NHSL2: variants seen among roughly 807,000 people sequenced by gnomAD.
The protein encoded by NHSL2 is NHS-like protein 2.
Under a neutral mutation model 53.4 loss-of-function variants are expected in NHSL2, and 27 were observed. That is an observed-to-expected ratio of 0.51 (90% CI 0.37 to 0.70). The LOEUF is 0.70. Among genes scored for constraint, NHSL2 ranks in the 30% least tolerant of loss-of-function variants. The probability of loss-of-function intolerance (pLI) is 0.00; values close to 1 mark genes in which losing one functional copy is unlikely to be tolerated. For missense variants in NHSL2, 892 were observed against 980.1 expected, an observed-to-expected ratio of 0.91 and a Z score of 1.20; for synonymous variants, 408 against 404.1, an observed-to-expected ratio of 1.01 and a Z score of -0.12.
intron 1 of NHSL2, among the ~76,000 whole-genome samples, chrX:72,054,959 C>G (rs1206777100): frequency 1.8e-5 from 2 of 111,699 alleles, no homozygotes; most frequent in African/African-American, 6.5e-5. Context: ...CCCCGTCACT[C>G]TTTCAGCCCC....
chrX:72,130,604 C>T (rs1602393029), intron 1 of NHSL2: 4 of 1,211,567 alleles, frequency 3.3e-6, no homozygotes, highest in Non-Finnish European at 4.5e-6. Context: ...GGCTTGGGAA[C>T]GCGCACTTTT....
In NHSL2 at chrX:72,025,570, T is replaced by A. The variant is rs2042181494; in HGVS notation, c.281-106509T>A. 2.7e-5 allele frequency among the ~76,000 whole-genome samples: 3 copies of A among 112,314 alleles called. No individual in the cohort carries two copies. The South Asian group carries it at 1.1e-3, about 41-fold the overall frequency. On this transcript the variant is annotated intron_variant, in intron 1 of 7. Transcript: ENST00000633930. Reference sequence around the variant, plus strand: ...CACATCCAGGTCTGTCCGACCAGAGTCCATTTTGTAACCACTGCAGCTCTC... The same window carrying A: ...CACATCCAGGTCTGTCCGACCAGAGACCATTTTGTAACCACTGCAGCTCTC...
intron 1 of NHSL2, among the ~76,000 whole-genome samples, chrX:72,087,243 A>C (rs1254901204): frequency 8.8e-6 from 1 of 113,035 alleles, no homozygotes; most frequent in Non-Finnish European, 1.9e-5. Context: ...TGCTAACCGA[A>C]AGAAACCAAA....
Position 72,032,794 on chromosome X carries a change from C to T in NHSL2, c.281-99285C>T, listed in dbSNP as rs1341384227. ...GAATTGCATGAGCCGTGGTGTCAGA[C>T]GTTGCAGTGAGCTGAGATCACACCA... On this transcript the variant is annotated intron_variant, in intron 1 of 7. Transcript: ENST00000633930. Among the ~76,000 whole-genome samples the T allele has an allele frequency of 1.8e-5, 2 of 109,021 alleles. 1 individual carries two copies. 94.7% of individuals were successfully genotyped at this position (109,021 alleles called of 115,157 possible).
intron 1 of NHSL2, among the ~76,000 whole-genome samples, chrX:71,962,264 A>G (rs2041870896): frequency 9.0e-6 from 1 of 111,698 alleles, no homozygotes; most frequent in Non-Finnish European, 1.9e-5. Flanking sequence ...AGGGATATTG[A>G]TCTGTAGTTC....
intron 1 of NHSL2, among the ~76,000 whole-genome samples, chrX:72,085,193 C>T (rs2041827098): frequency 9.0e-6 from 1 of 111,727 alleles, no homozygotes; most frequent in Non-Finnish European, 1.9e-5. Context: ...GCTGGGATGA[C>T]CCCCAGCACA....
intron 1 of NHSL2, among the ~76,000 whole-genome samples, chrX:72,110,386 C>G (rs929818282): frequency 9.0e-6 from 1 of 111,201 alleles, no homozygotes; most frequent in African/African-American, 3.3e-5. Context: ...GACTGTATCT[C>G]GTTGTGTCCT....
At chrX:72,079,036 C>G (rs1314516748) in intron 1 of NHSL2, among the ~76,000 whole-genome samples, 4 of 112,316 alleles carry the variant, frequency 3.6e-5, no homozygotes, top group African/African-American at 1.3e-4. Context: ...CACGCTGAGT[C>G]TCTTTCCACC....
chrX:72,062,922 G>A (rs999707600), intron 1 of NHSL2, among the ~76,000 whole-genome samples: 1 of 112,251 alleles, frequency 8.9e-6, no homozygotes, highest in Middle Eastern at 4.6e-3. Context: ...TGTCTGAGCT[G>A]AGAGGACCCT....
intron 1 of NHSL2, among the ~76,000 whole-genome samples, chrX:72,007,274 C>T (rs1465271900): frequency 8.9e-6 from 1 of 112,749 alleles, no homozygotes; most frequent in Non-Finnish European, 1.9e-5. Context: ...AATAAGAAAA[C>T]ATTTGGGATT....
chrX:72,052,278 G>A lies in NHSL2; in HGVS notation c.281-79801G>A, dbSNP rs73635616. Among the ~76,000 whole-genome samples, 546 of 112,167 alleles carry A rather than the reference G, an allele frequency of 4.9e-3. 3 individuals are homozygous for A. The highest frequency in any genetic ancestry group is 0.016 in the African/African-American group (498 of 30,852). ...AGAAAGTTGCCCTCCTCAGTCCTCC[G>A]AGGCACACCTGTCTGACTGGATGCT... is the stretch of plus-strand genomic sequence containing the variant. On this transcript the variant is annotated intron_variant, in intron 1 of 7. Transcript: ENST00000633930.
chrX:71,938,010 G>T (rs911895539), intron 1 of NHSL2, among the ~76,000 whole-genome samples: 1 of 112,050 alleles, frequency 8.9e-6, no homozygotes, highest in Non-Finnish European at 1.9e-5. Context: ...CTTCTGTGCC[G>T]TTGGCCAGAA....
At chrX:72,137,335 A>AGG (rs2042365419) in intron 5 of NHSL2, 110 bp downstream of exon 5, 1 of 770,518 alleles carries the variant, frequency 1.3e-6, no homozygotes, top group Non-Finnish European at 1.8e-6. Context: ...TGGGTGGAGG[A>AGG]GGGGGCCTCC....
At chrX:72,107,152 G>A (rs1394165170) in intron 1 of NHSL2, among the ~76,000 whole-genome samples, 2 of 110,501 alleles carry the variant, frequency 1.8e-5, no homozygotes, top group Non-Finnish European at 3.8e-5. Flanking sequence ...GGCCGGGCGC[G>A]GTGGCTCATG....
At chrX:71,932,160 G>A (rs779535966) in intron 1 of NHSL2, among the ~76,000 whole-genome samples, 31 of 111,522 alleles carry the variant, frequency 2.8e-4, no homozygotes, top group African/African-American at 1.0e-3. Flanking sequence ...TGACTTAGTC[G>A]TGGGGGACCA....
chrX:71,993,051 G>A (rs1399043570), intron 1 of NHSL2, among the ~76,000 whole-genome samples: 1 of 112,328 alleles, frequency 8.9e-6, no homozygotes, highest in Non-Finnish European at 1.9e-5. Context: ...TCAGCTAGAT[G>A]GGAGGGGCGG....
intron 1 of NHSL2, among the ~76,000 whole-genome samples, chrX:72,078,388 G>A (rs1249164476): frequency 8.9e-6 from 1 of 112,467 alleles, no homozygotes; most frequent in East Asian, 2.8e-4. Flanking sequence ...TAATTGGTCC[G>A]AAGTGAAGTT....
chrX:71,936,381 G>A (rs1172418144), intron 1 of NHSL2, among the ~76,000 whole-genome samples: 6 of 112,076 alleles, frequency 5.4e-5, no homozygotes, highest in Non-Finnish European at 9.4e-5. Context: ...GAATCTCTAG[G>A]CATGTTTCCC....
intron 1 of NHSL2, among the ~76,000 whole-genome samples, chrX:72,008,980 A>G (rs2042105059): frequency 8.9e-6 from 1 of 112,288 alleles, no homozygotes; most frequent in African/African-American, 3.2e-5. Context: ...CAAAATCTTT[A>G]TAGTAGTCCA....
Sources: allele counts gnomAD v4.1 joint callset (sites outside exome capture counted in the v4.1 genomes callset), GRCh38; gene constraint gnomAD v4.1.1; transcripts MANE v1.5; gene names NCBI Gene and HGNC (gene_info 2026-07-23, HGNC 2026-07-21).